The following DSCAM variants were observed in gnomAD, a reference collection of about 807,000 sequenced individuals.
DSCAM encodes the protein cell adhesion molecule DSCAM.
A neutral mutation model predicts 217.7 loss-of-function variants in DSCAM; 47 were observed. The ratio of observed to expected loss-of-function variants is 0.22; its 90% CI spans 0.17 to 0.28. The LOEUF (loss-of-function observed/expected upper bound fraction) is 0.28. Ranked by LOEUF, DSCAM falls within the 10% of genes least tolerant of loss-of-function variation. The pLI is 1.00. For synonymous variants in DSCAM, 1,056 were observed against 1,015.3 expected, an observed-to-expected ratio of 1.04 and a Z score of -0.76; for missense variants, 2,080 against 2,618.3, an observed-to-expected ratio of 0.79 and a Z score of 4.49.
intron 1 of DSCAM, among the ~76,000 whole-genome samples, chr21:40,771,139 C>A (rs2091440674): frequency 6.6e-6 from 1 of 152,196 alleles, no homozygotes; most frequent in African/African-American, 2.4e-5. Flanking sequence ...GAGCTGTAGG[C>A]TTCACGCAGT....
At chr21:40,712,140 A>T (rs980421239) in intron 1 of DSCAM, among the ~76,000 whole-genome samples, 4 of 152,254 alleles carry the variant, frequency 2.6e-5, no homozygotes, top group Non-Finnish European at 5.9e-5. Context: ...TTTACAAGCA[A>T]TAATTATTAC....
chr21:40,522,384 G>A (rs931408018), intron 3 of DSCAM, among the ~76,000 whole-genome samples: 1 of 152,178 alleles, frequency 6.6e-6, no homozygotes, highest in African/African-American at 2.4e-5. Flanking sequence ...TGCTCAACAG[G>A]AAAGTCAGAT....
At chr21:40,229,524 C>T (rs1053461848) in intron 11 of DSCAM, among the ~76,000 whole-genome samples, 1 of 152,164 alleles carries the variant, frequency 6.6e-6, no homozygotes, top group East Asian at 1.9e-4. Context: ...CTCTCCTTTC[C>T]CCAAATCCCT....
chr21:40,365,520 C>T (rs949161095), intron 4 of DSCAM, among the ~76,000 whole-genome samples: 4 of 152,128 alleles, frequency 2.6e-5, no homozygotes, highest in Admixed American at 2.0e-4. Context: ...CTTGTGATCA[C>T]GTGAGTCATT....
chr21:40,550,751 A>G (rs1296961947), intron 3 of DSCAM, among the ~76,000 whole-genome samples: 1 of 152,238 alleles, frequency 6.6e-6, no homozygotes, highest in Non-Finnish European at 1.5e-5. Context: ...CAGCCTCCAG[A>G]ACCATAATAT....
intron 3 of DSCAM, among the ~76,000 whole-genome samples, chr21:40,473,802 C>T (rs768603823): frequency 4.0e-5 from 6 of 151,886 alleles, no homozygotes; most frequent in Non-Finnish European, 7.3e-5. Flanking sequence ...AGAACACAGA[C>T]ACACACGGAG....
chr21:40,366,691 G>A (rs2074836343), intron 4 of DSCAM, among the ~76,000 whole-genome samples: 1 of 152,076 alleles, frequency 6.6e-6, no homozygotes, highest in Non-Finnish European at 1.5e-5. Context: ...CAATAAGATA[G>A]AGATTCTTAG....
At chr21:40,137,263 G>GGA (rs543176306) in intron 18 of DSCAM, among the ~76,000 whole-genome samples, 1 of 5,772 alleles carries the variant, frequency 1.7e-4, no homozygotes, top group Non-Finnish European at 9.3e-4. Context: ...AATTAACATT[G>GGA]GGGGGGGGGT....
In DSCAM at chr21:40,078,757, C is replaced by G. The variant is rs920603442; in HGVS notation, c.4641G>C (p.Gln1547His). The change falls in exon 26 of 33, where the codon CAG (glutamine) becomes CAC (histidine). Residue 1547 changes from glutamine to histidine, a missense_variant. Physicochemically the swap from Gln to His is conservative, Grantham distance 24. Around this residue, in one of 5 missense-constraint regions of DSCAM, gnomAD observed 1,144 missense variants for 1,421.1 expected, o/e 0.81. Transcript: ENST00000400454. The part of the protein sequence containing the change: ...DLQEATWYEL[Q>H]MRVCNSAGCA... ...AGCCCGCACTGTTGCACACCCGCAT[C>G]TGCAGCTCATACCAGGTGGCTTCCT... is the stretch of plus-strand genomic sequence containing the variant. The G allele has an allele frequency of 1.2e-6, 2 of 1,614,142 alleles. No homozygotes were observed. The highest frequency in any genetic ancestry group is 1.7e-6 in the Non-Finnish European group (2 of 1,180,056).
chr21:40,374,056 A>AATATCTC (rs6147510), intron 3 of DSCAM, among the ~76,000 whole-genome samples: 102,830 of 151,284 alleles, frequency 0.68, 35,684 homozygotes, highest in African/African-American at 0.81. Context: ...GTAAATTTCA[A>AATATCTC]ATCACAAAAA....
At chr21:40,548,747 T>C (rs2076605264) in intron 3 of DSCAM, among the ~76,000 whole-genome samples, 1 of 152,136 alleles carries the variant, frequency 6.6e-6, no homozygotes, top group Non-Finnish European at 1.5e-5. Context: ...ATCAAATTAG[T>C]CCTTTTAAAG....
intron 11 of DSCAM, among the ~76,000 whole-genome samples, chr21:40,217,234 G>A (rs907951767): frequency 6.6e-6 from 1 of 152,068 alleles, no homozygotes; most frequent in African/African-American, 2.4e-5. Context: ...AATGCAGAAG[G>A]TTTGAAAAAT....
chr21:40,580,177 G>A (rs1391868833), intron 3 of DSCAM, among the ~76,000 whole-genome samples: 1 of 151,464 alleles, frequency 6.6e-6, no homozygotes, highest in African/African-American at 2.4e-5. Context: ...TGCCTCCCGA[G>A]TTCAAGCCAT....
Position 40,812,412 on chromosome 21 carries a change from T to G in DSCAM, c.43+34207A>C, listed in dbSNP as rs574183671. 1.1e-4 allele frequency among the ~76,000 whole-genome samples: 17 copies of G among 152,262 alleles called. No homozygotes were observed. The South Asian group carries it at 3.5e-3, about 32-fold the overall frequency. On this transcript the variant is annotated intron_variant, in intron 1 of 32. Transcript: ENST00000400454. ...GTCCATGCATTCTACTGTCACACTG[T>G]GCCCAGCACGCAGACAGTGACCCCT...
intron 3 of DSCAM, among the ~76,000 whole-genome samples, chr21:40,487,324 T>TGAGAGA (rs751088270): frequency 7.9e-4 from 60 of 76,162 alleles, no homozygotes; most frequent in Admixed American, 2.9e-3. Context: ...TGTGTGTGTG[T>TGAGAGA]GTGAGAGAGA....
intron 11 of DSCAM, among the ~76,000 whole-genome samples, chr21:40,238,822 T>C (rs557307004): frequency 1.1e-4 from 16 of 152,228 alleles, no homozygotes; most frequent in African/African-American, 3.4e-4. Context: ...TTCCGTAATT[T>C]TCTAGAATCC....
At chr21:40,400,951 C>T (rs573386098) in intron 3 of DSCAM, among the ~76,000 whole-genome samples, 2 of 152,296 alleles carry the variant, frequency 1.3e-5, no homozygotes, top group Admixed American at 6.5e-5. Context: ...GATCTCATCA[C>T]AAAAGTTCTT....
intron 2 of DSCAM, among the ~76,000 whole-genome samples, chr21:40,698,876 A>C (rs1282050164): frequency 4.0e-5 from 6 of 150,726 alleles, no homozygotes; most frequent in African/African-American, 1.2e-4. Context: ...TCTTAAAAAA[A>C]AAAAAAAAAA....
At chr21:40,579,445 C>T (rs1470561279) in intron 3 of DSCAM, among the ~76,000 whole-genome samples, 1 of 152,072 alleles carries the variant, frequency 6.6e-6, no homozygotes, top group African/African-American at 2.4e-5. Context: ...TCCAATGTCT[C>T]TTTAATAGGA....
Sources: allele counts gnomAD v4.1 joint callset (sites outside exome capture counted in the v4.1 genomes callset), GRCh38; gene constraint gnomAD v4.1.1; regional missense constraint gnomAD v4.1.1; transcripts MANE v1.5; gene names NCBI Gene and HGNC (gene_info 2026-07-23, HGNC 2026-07-21).